Variants in DGKI observed in about 807,000 individuals in gnomAD.
DGKI encodes the protein DAG kinase iota.
In DGKI, 55 loss-of-function variants were observed where a neutral mutation model predicts 147.5. The observed-to-expected ratio is 0.37, with a 90% CI of 0.30 to 0.47. DGKI has a LOEUF of 0.47. DGKI is among the 20% of genes least tolerant of loss of function. The pLI, the probability that DGKI is intolerant of heterozygous loss-of-function variation, is 1.00. For missense variants in DGKI, 1,007 were observed against 1,323.8 expected (o/e 0.76, Z 3.71); for synonymous variants, 469 against 477.1 (o/e 0.98, Z 0.22).
At chr7:137,803,761 A>T (rs959854299) in intron 1 of DGKI, among the ~76,000 whole-genome samples, 15 of 152,240 alleles carry the variant, frequency 9.9e-5, no homozygotes, top group African/African-American at 3.6e-4. Flanking sequence ...ATATTAAGTA[A>T]GTGTGTATCA....
chr7:137,555,150 G>A (rs533420285), intron 19 of DGKI, among the ~76,000 whole-genome samples: 4 of 151,710 alleles, frequency 2.6e-5, no homozygotes, highest in East Asian at 4.0e-4. Context: ...TTCTGACTTC[G>A]TGATCCTCCC....
chr7:137,473,582 A>T (rs1815061348), intron 23 of DGKI, among the ~76,000 whole-genome samples: 1 of 152,186 alleles, frequency 6.6e-6, no homozygotes, highest in Admixed American at 6.5e-5. Flanking sequence ...GATCAGTAAA[A>T]TGCCTTATGA....
intron 6 of DGKI, among the ~76,000 whole-genome samples, chr7:137,638,583 T>TATGTGTGTATATATATACAC (rs1821475008): frequency 8.3e-5 from 7 of 84,364 alleles, no homozygotes; most frequent in Non-Finnish European, 1.2e-4. Context: ...TATGTATATA[T>TATGTGTGTATATATATACAC]ACACATATAT....
chr7:137,780,098 C>A (rs1418249473), intron 1 of DGKI, among the ~76,000 whole-genome samples: 1 of 152,118 alleles, frequency 6.6e-6, no homozygotes, highest in African/African-American at 2.4e-5. Flanking sequence ...CATAGTAGTC[C>A]TGTATTCTTA....
intron 20 of DGKI, among the ~76,000 whole-genome samples, chr7:137,548,829 C>T (rs527836435): frequency 6.6e-6 from 1 of 152,010 alleles, no homozygotes; most frequent in Non-Finnish European, 1.5e-5. Flanking sequence ...GGCATGGTAG[C>T]GCACACCTGT....
chr7:137,680,922 A>T (rs1464561418), intron 2 of DGKI, among the ~76,000 whole-genome samples: 1 of 152,226 alleles, frequency 6.6e-6, no homozygotes, highest in Admixed American at 6.5e-5. Flanking sequence ...CTAGTGACTC[A>T]AATAATTCTG....
intron 1 of DGKI, among the ~76,000 whole-genome samples, chr7:137,830,976 C>A (rs968260641): frequency 6.6e-6 from 1 of 152,172 alleles, no homozygotes; most frequent in African/African-American, 2.4e-5. Context: ...GATAACTACT[C>A]AGAGTTGTTG....
At chr7:137,599,125 T>C (rs1011913087) in intron 11 of DGKI, among the ~76,000 whole-genome samples, 6 of 152,178 alleles carry the variant, frequency 3.9e-5, no homozygotes, top group African/African-American at 1.4e-4. Flanking sequence ...TGAACTATCC[T>C]AGTACATGAA....
chr7:137,620,019 G>GCACACACACACACA (rs3839659), intron 7 of DGKI, 79 bp from the exon 8 acceptor site: 2 of 501,458 alleles, frequency 4.0e-6, no homozygotes, highest in East Asian at 3.8e-5. Context: ...ATGTACACAC[G>GCACACACACACACA]CACACACACA....
In DGKI at chr7:137,407,981, A is replaced by G. The variant is rs758825678; in HGVS notation, c.2814T>C (p.Tyr938=). 1.6e-5 allele frequency: 26 copies of G among 1,576,844 alleles called. No individual in the cohort carries two copies. Among genetic ancestry groups the G allele is most frequent in the Middle Eastern group, 3.3e-4 (2 of 6,014 alleles). ...AGDLMKLIES[Y]KNGGSLLIQG... is the part of the protein sequence containing the mutation. ...GAATTAGCAGACTGCCTCCATTTTT[A>G]TAGCTTTCTATTAGCTGCAAAGAGA... The change falls in exon 30 of 33, where the codon TAT becomes TAC. Residue 938 remains tyrosine (Y), a synonymous_variant. Coordinates refer to ENST00000614521, the MANE Select transcript of DGKI (RefSeq NM_001321708.2).
At chr7:137,578,370 G>A (rs1563094869) in intron 15 of DGKI, 45 bp from the exon 16 acceptor site, 2 of 1,454,030 alleles carry the variant, frequency 1.4e-6, no homozygotes, top group Non-Finnish European at 1.9e-6. Flanking sequence ...CCTCACTAAA[G>A]GTAGCGACTT....
chr7:137,563,646 A>T (rs1818490386), intron 19 of DGKI, among the ~76,000 whole-genome samples: 1 of 148,844 alleles, frequency 6.7e-6, no homozygotes, highest in African/African-American at 2.6e-5. Context: ...ACATATAGTT[A>T]TTTCTATATA....
intron 7 of DGKI, among the ~76,000 whole-genome samples, chr7:137,622,376 AAGACACCAC>A (rs1263389212): frequency 6.6e-6 from 1 of 152,208 alleles, no homozygotes; most frequent in African/African-American, 2.4e-5. Context: ...TAACCTCACC[AAGACACCAC>A]AGCCTTTTCT....
rs3051933 is a variant in DGKI, at chr7:137,517,279, AAAAGAAAGAAAGAAAG to A, written c.2248+4571_2248+4586del. Among the ~76,000 whole-genome samples the A allele has an allele frequency of 6.5e-3, 519 of 79,766 alleles. 4 individuals carry two copies. Among genetic ancestry groups the A allele is most frequent in the Middle Eastern group, 0.048 (9 of 188 alleles). The allele number at this position is 79,766 out of a possible 152,430, so 52.3% of individuals were successfully genotyped here. ...AAGAAAGAAAGAAAGAAAGAAAAGA[AAAAGAAAGAAAGAAAG>A]AAAGAAAGAAAGAAAGAAAGAAAGA... On this transcript the variant is annotated intron_variant, in intron 21 of 32. Transcript: ENST00000614521.
chr7:137,635,462 T>C (rs565012217), intron 6 of DGKI, among the ~76,000 whole-genome samples: 3 of 152,326 alleles, frequency 2.0e-5, no homozygotes, highest in Admixed American at 1.3e-4. Flanking sequence ...TACCTCTCCC[T>C]TCTTCAGGGC....
chr7:137,797,897 A>G (rs1260257905), intron 1 of DGKI, among the ~76,000 whole-genome samples: 1 of 152,128 alleles, frequency 6.6e-6, no homozygotes, highest in African/African-American at 2.4e-5. Flanking sequence ...GGACTTAAAC[A>G]ATAGAGAAAA....
chr7:137,599,778 T>G (rs10271043), intron 11 of DGKI, 45 bp downstream of exon 11: 28,603 of 1,574,304 alleles, frequency 0.018, 1,040 homozygotes, highest in African/African-American at 0.11. Context: ...AAATTCTCAC[T>G]TGCCTAAAAT....
chr7:137,648,893 T>C (rs898669028), intron 5 of DGKI, among the ~76,000 whole-genome samples: 1 of 152,160 alleles, frequency 6.6e-6, no homozygotes, highest in African/African-American at 2.4e-5. Context: ...GGCTCTACCA[T>C]TTATTAAATA....
At chr7:137,784,070 A>G (rs1796596620) in intron 1 of DGKI, among the ~76,000 whole-genome samples, 1 of 152,220 alleles carries the variant, frequency 6.6e-6, no homozygotes, top group African/African-American at 2.4e-5. Flanking sequence ...TAAAAAACAC[A>G]AGGTATTCAG....
Sources: allele counts gnomAD v4.1 joint callset (sites outside exome capture counted in the v4.1 genomes callset), GRCh38; gene constraint gnomAD v4.1.1; transcripts MANE v1.5; gene names NCBI Gene and HGNC (gene_info 2026-07-23, HGNC 2026-07-21).